Variants in HOOK3 observed in about 807,000 individuals in gnomAD.
HOOK3 encodes the protein hook microtubule tethering protein 3.
In HOOK3, 24 loss-of-function variants were observed where a neutral mutation model predicts 116.3. The observed-to-expected ratio is 0.21, with a 90% CI of 0.15 to 0.29. The LOEUF (loss-of-function observed/expected upper bound fraction) is 0.29. Ranked by LOEUF, HOOK3 falls within the 10% of genes least tolerant of loss-of-function variation. The pLI is 1.00. For missense variants in HOOK3, 632 were observed against 830.2 expected (o/e 0.76, Z 2.93); for synonymous variants, 275 against 283.0 (o/e 0.97, Z 0.28).
At chr8:43,008,376 T>C (rs1809534741) in intron 18 of HOOK3, among the ~76,000 whole-genome samples, 2 of 151,294 alleles carry the variant, frequency 1.3e-5, no homozygotes, top group South Asian at 2.1e-4. Context: ...GTAAATGGTA[T>C]GATCACAGCT....
chr8:43,013,247 TAAC>T (rs1809646471), intron 20 of HOOK3, 79 bp from the exon 21 acceptor site: 1 of 1,397,784 alleles, frequency 7.2e-7, no homozygotes, highest in Non-Finnish European at 9.8e-7. Context: ...TCATGAGTTT[TAAC>T]AATTAATTGT....
At chr8:42,959,170 A>G (rs1808491897) in intron 7 of HOOK3, 61 bp from the exon 8 acceptor site, 2 of 1,092,666 alleles carry the variant, frequency 1.8e-6, no homozygotes, top group Non-Finnish European at 1.4e-6. Flanking sequence ...TGTGTTGAAC[A>G]TACGAATTAT....
intron 11 of HOOK3, among the ~76,000 whole-genome samples, chr8:42,970,017 A>G (rs914613111): frequency 2.0e-5 from 3 of 152,152 alleles, no homozygotes; most frequent in Admixed American, 2.0e-4. Context: ...ATATAAGGTT[A>G]TAGTCTAATC....
At chr8:42,926,698 A>G (rs1807772394) in intron 3 of HOOK3, among the ~76,000 whole-genome samples, 1 of 152,242 alleles carries the variant, frequency 6.6e-6, no homozygotes. Context: ...TAACTATAAT[A>G]CAATATCAAA....
At chr8:42,950,071 A>AT (rs1586606022) in intron 5 of HOOK3, among the ~76,000 whole-genome samples, 1 of 152,088 alleles carries the variant, frequency 6.6e-6, no homozygotes, top group Admixed American at 6.6e-5. Flanking sequence ...TAATACAGAG[A>AT]TTTTTCCATC....
At position 43,027,756 on chromosome 8, in the gene HOOK3, G is replaced by C; in HGVS notation, c.*9258G>C. 4.8e-6 allele frequency: 1 copy of C among 206,348 alleles called. No homozygotes were observed. The highest frequency in any genetic ancestry group is 7.6e-5 in the East Asian group (1 of 13,078). The allele number at this position is 206,348 out of a possible 1,614,324, so 12.8% of individuals were successfully genotyped here. A position where few individuals can be genotyped will look rare whatever the true frequency, so the allele number is the denominator to read the frequency against. On this transcript the variant is annotated 3_prime_UTR_variant, in exon 22 of 22. Coordinates refer to ENST00000307602, the MANE Select transcript of HOOK3 (RefSeq NM_032410.4). ...GATTATTCAGTAGCCACATGTGACA[G>C]TTAAAATTAAGTAAAATTAAAACTA...
chr8:42,984,865 A>G (rs1175639722), intron 14 of HOOK3, among the ~76,000 whole-genome samples: 1 of 152,200 alleles, frequency 6.6e-6, no homozygotes, highest in East Asian at 1.9e-4. Flanking sequence ...ATTGCGCCAC[A>G]GTCCTCCAGC....
chr8:42,931,477 T>G (rs1272589982), intron 4 of HOOK3, among the ~76,000 whole-genome samples: 2 of 146,044 alleles, frequency 1.4e-5, no homozygotes, highest in Admixed American at 1.4e-4. Context: ...TGTCACCCAG[T>G]GTGGAGTGCA....
At chr8:42,921,956 C>G (rs1807665233) in intron 2 of HOOK3, among the ~76,000 whole-genome samples, 1 of 152,138 alleles carries the variant, frequency 6.6e-6, no homozygotes, top group Non-Finnish European at 1.5e-5. Flanking sequence ...CAGTAAGTTG[C>G]CTTTTTTGCA....
chr8:42,950,288 C>T, intron 5 of HOOK3, 100 bp from the exon 6 acceptor site: 1 of 772,422 alleles, frequency 1.3e-6, no homozygotes, highest in African/African-American at 1.7e-5. Flanking sequence ...GGAATCAAAA[C>T]ACAGGGAAAT....
intron 14 of HOOK3, among the ~76,000 whole-genome samples, chr8:42,983,927 A>T (rs1360717943): frequency 6.6e-6 from 1 of 152,210 alleles, no homozygotes; most frequent in East Asian, 1.9e-4. Flanking sequence ...CAAAATGGAC[A>T]CTGGCCTTGC....
At chr8:42,994,420 CT>C in intron 15 of HOOK3, 5 of 410,934 alleles carry the variant, frequency 1.2e-5, no homozygotes, top group Admixed American at 2.8e-5. Flanking sequence ...AAGGTTTTCT[CT>C]TTTTTGATGT....
intron 13 of HOOK3, among the ~76,000 whole-genome samples, chr8:42,981,580 G>C (rs962765810): frequency 4.6e-5 from 7 of 152,210 alleles, no homozygotes; most frequent in Admixed American, 4.6e-4. Flanking sequence ...GTATACAGTA[G>C]AGCCATTTAA....
At chr8:43,004,878 A>G (rs960811863) in intron 17 of HOOK3, among the ~76,000 whole-genome samples, 4 of 152,078 alleles carry the variant, frequency 2.6e-5, no homozygotes, top group African/African-American at 4.8e-5. Context: ...CAGTTCTACT[A>G]TATATATCCA....
chr8:43,005,205 A>ATG (rs1809457979), intron 17 of HOOK3, among the ~76,000 whole-genome samples: 1 of 139,756 alleles, frequency 7.2e-6, no homozygotes, highest in Admixed American at 7.3e-5. Flanking sequence ...CTCTCTATAT[A>ATG]TATATATAAT....
chr8:42,996,099 C>T (rs11994895), intron 15 of HOOK3, among the ~76,000 whole-genome samples: 112 of 152,072 alleles, frequency 7.4e-4, no homozygotes, highest in African/African-American at 2.5e-3. Flanking sequence ...GAAAGTCAAG[C>T]CATGGGCCAG....
intron 13 of HOOK3, among the ~76,000 whole-genome samples, chr8:42,980,876 C>G (rs1339262945): frequency 6.6e-6 from 1 of 151,800 alleles, no homozygotes; most frequent in East Asian, 2.0e-4. Context: ...AAGAGTGAAA[C>G]TCCTCAATAA....
chr8:42,928,605 T>C lies in HOOK3; in HGVS notation c.217-1517T>C, dbSNP rs145308643. 1.4e-4 allele frequency among the ~76,000 whole-genome samples: 21 copies of C among 152,338 alleles called. No individual in the cohort carries two copies. The East Asian group carries it at 3.7e-3, about 27-fold the overall frequency. ...GCAGGCACACAGATAGATACACATA[T>C]ACTGTCTCCAGTGTCATGAGTAAGG... is the stretch of plus-strand genomic sequence containing the variant. On this transcript the variant is annotated intron_variant, in intron 3 of 21. Coordinates refer to ENST00000307602, the MANE Select transcript of HOOK3 (RefSeq NM_032410.4).
Position 42,897,105 on chromosome 8 carries a change from A to G in HOOK3, c.-27A>G, listed in dbSNP as rs1355986625. 1.6e-6 allele frequency: 2 copies of G among 1,237,194 alleles called. No homozygotes were observed. Among genetic ancestry groups the G allele is most frequent in the Admixed American group, 4.2e-5 (1 of 23,582 alleles). 76.6% of individuals were successfully genotyped at this position (1,237,194 alleles called of 1,614,324 possible). On this transcript the variant is annotated 5_prime_UTR_variant, in exon 1 of 22. Transcript: ENST00000307602. Reference sequence around the variant, plus strand: ...CGGCGGCGGTGTCTGGCCAGGCGGTAGGCGCTGCCTGGCCGCGGCGGGGAA... The same window carrying G: ...CGGCGGCGGTGTCTGGCCAGGCGGTGGGCGCTGCCTGGCCGCGGCGGGGAA...
Sources: allele counts gnomAD v4.1 joint callset (sites outside exome capture counted in the v4.1 genomes callset), GRCh38; gene constraint gnomAD v4.1.1; transcripts MANE v1.5; gene names NCBI Gene and HGNC (gene_info 2026-07-23, HGNC 2026-07-21).